The following RSPH6A variants were observed in gnomAD, a reference collection of about 807,000 sequenced individuals.
RSPH6A encodes the protein radial spoke head protein 6 homolog A.
A neutral mutation model predicts 66.1 loss-of-function variants in RSPH6A; 49 were observed. The ratio of observed to expected loss-of-function variants is 0.74; its 90% CI spans 0.59 to 0.94. RSPH6A has a LOEUF of 0.94. Ranked by LOEUF, RSPH6A falls within the 40% of genes least tolerant of loss-of-function variation. The probability of loss-of-function intolerance (pLI) is 0.00; values close to 1 mark genes in which losing one functional copy is unlikely to be tolerated. For synonymous variants in RSPH6A, 419 were observed against 402.4 expected, an observed-to-expected ratio of 1.04 and a Z score of -0.49; for missense variants, 977 against 948.3, an observed-to-expected ratio of 1.03 and a Z score of -0.40.
chr19:45,795,972 T>C lies in RSPH6A; in HGVS notation c.2051A>G (p.Glu684Gly). ...EIMEMSDPTV[E>G]EEQALKAAQE... The stretch of plus-strand genomic sequence containing the variant: ...GGCTGCTTTCAGAGCCTGCTCCTCT[T>C]CCACTGTGGGGTCACTCATCTCCAT... Residue 684 changes from glutamate to glycine, a missense_variant, in exon 6 of 6, where the codon GAA (glutamate) becomes GGA (glycine). Physicochemically the swap from Glu to Gly is moderately conservative, Grantham distance 98 (BLOSUM62 -2). Coordinates refer to ENST00000221538, the MANE Select transcript of RSPH6A (RefSeq NM_030785.4). The C allele has an allele frequency of 6.2e-7, 1 of 1,613,758 alleles. No individual in the cohort carries two copies. The highest frequency in any genetic ancestry group is 8.5e-7 in the Non-Finnish European group (1 of 1,179,922).
chr19:45,804,635 T>C lies in RSPH6A; in HGVS notation c.1270A>G (p.Asn424Asp), dbSNP rs1199255604. Residue 424 changes from asparagine (N) to aspartate (D), a missense_variant, in exon 3 of 6, where the codon AAC becomes GAC. Asn to Asp is a conservative substitution (Grantham distance 23). Coordinates refer to ENST00000221538, the MANE Select transcript of RSPH6A (RefSeq NM_030785.4). The surrounding 1 kb of genome is among the most constrained non-coding windows in gnomAD (Gnocchi z 5.8). Reference sequence around the variant, plus strand: ...TTGCACACAAAGTACAGGTACTTGTTGGCGCCTGAGCGGCTCTCCTCCTTG... The same window carrying C: ...TTGCACACAAAGTACAGGTACTTGTCGGCGCCTGAGCGGCTCTCCTCCTTG... ...IPKEESRSGA[N>D]KYLYFVCNEP... is the part of the protein sequence containing the mutation. 5 of 1,614,036 alleles carry C rather than the reference T, an allele frequency of 3.1e-6. No individual in the cohort carries two copies. In the Admixed American group the frequency reaches 8.3e-5, roughly 27 times the overall value.
chr19:45,808,801 AC>A (rs1213628792), intron 2 of RSPH6A, among the ~76,000 whole-genome samples: 1 of 149,370 alleles, frequency 6.7e-6, no homozygotes, highest in East Asian at 2.0e-4. Flanking sequence ...AGCTGGGACT[AC>A]AGGTGACCGC....
chr19:45,811,901 C>T (rs1970634927), intron 1 of RSPH6A, among the ~76,000 whole-genome samples: 1 of 150,850 alleles, frequency 6.6e-6, no homozygotes, highest in South Asian at 2.1e-4. Flanking sequence ...CTGCCTCGGC[C>T]TCCTGAGTAG....
At chr19:45,801,798 C>A (rs1450068713) in intron 4 of RSPH6A, among the ~76,000 whole-genome samples, 2 of 151,318 alleles carry the variant, frequency 1.3e-5, no homozygotes, top group Non-Finnish European at 2.9e-5. Flanking sequence ...CACCACCACA[C>A]ACACACACAC....
In RSPH6A at chr19:45,814,646, G is replaced by A; in HGVS notation, c.531C>T (p.Pro177=). The change falls in exon 1 of 6, where the codon CCC becomes CCT. Residue 177 remains proline (P), a synonymous_variant. Coordinates refer to ENST00000221538, the MANE Select transcript of RSPH6A (RefSeq NM_030785.4). ...TGTAGTGTGGGAAGCCCAGCTCAGA[G>A]GGCAAGAACTGAAGGGCAGGGTCAT... ...IRDDPALQFL[P]SELGFPHYSA... 6.2e-7 allele frequency: 1 copy of A among 1,608,740 alleles called. No individual in the cohort carries two copies. Among genetic ancestry groups the A allele is most frequent in the Non-Finnish European group, 8.5e-7 (1 of 1,177,278 alleles).
intron 2 of RSPH6A, among the ~76,000 whole-genome samples, chr19:45,806,513 A>T (rs1043293327): frequency 2.6e-5 from 4 of 151,634 alleles, no homozygotes; most frequent in African/African-American, 9.7e-5. Flanking sequence ...TCTACTAAAA[A>T]TACAAAAATT....
chr19:45,805,320 C>T (rs973178659), intron 2 of RSPH6A, among the ~76,000 whole-genome samples: 6 of 152,130 alleles, frequency 3.9e-5, no homozygotes, highest in South Asian at 2.1e-4. Context: ...TCACTTGAAC[C>T]GGGGAGGCGG....
chr19:45,806,784 A>G (rs941500539), intron 2 of RSPH6A, among the ~76,000 whole-genome samples: 1 of 151,384 alleles, frequency 6.6e-6, no homozygotes, highest in East Asian at 1.9e-4. Flanking sequence ...CCACACACCA[A>G]TGCTCTTCCT....
At position 45,804,786 on chromosome 19, in the gene RSPH6A, C is replaced by A. The variant is rs745458815; in HGVS notation, c.1119G>T (p.Glu373Asp). The A allele has an allele frequency of 1.9e-6, 3 of 1,612,114 alleles. 1 individual carries two copies. Among genetic ancestry groups the A allele is most frequent in the Middle Eastern group, 3.3e-4 (2 of 6,060 alleles). Reference sequence around the variant, plus strand: ...CGCCACCTTCCGTCATCTCCTCCACCTCCTCCTCCTCTGCCTCCTCCTCGC... The same window carrying A: ...CGCCACCTTCCGTCATCTCCTCCACATCCTCCTCCTCTGCCTCCTCCTCGC... ...REGEEEAEEE[E>D]VEEMTEGGEV... The change falls in exon 3 of 6, where the codon GAG becomes GAT. Residue 373 changes from glutamate (E) to aspartate (D), a missense_variant. Glu to Asp is a conservative substitution (Grantham distance 45). Coordinates refer to ENST00000221538, the MANE Select transcript of RSPH6A (RefSeq NM_030785.4). This position sits in a 1 kb window ranked among gnomAD's most constrained non-coding sequence, Gnocchi z 5.8.
At chr19:45,810,567 A>T (rs10407137) in intron 2 of RSPH6A, 36 bp downstream of exon 2, 1,202,996 of 1,594,318 alleles carry the variant, frequency 0.75, 454,778 homozygotes, top group African/African-American at 0.86. Flanking sequence ...GCCCCCACTG[A>T]CCCTGATGCC....
chr19:45,813,889 G>A (rs981269146), intron 1 of RSPH6A, among the ~76,000 whole-genome samples: 1 of 152,094 alleles, frequency 6.6e-6, no homozygotes, highest in East Asian at 1.9e-4. Context: ...GGCTGGGCAC[G>A]GTGGTTCATG....
In RSPH6A at chr19:45,812,909, T is replaced by C. The variant is rs1009968451; in HGVS notation, c.650+1618A>G. ...CAGGGTTTTGCCATGTTGGCCAGGC[T>C]GGTCTTGAACTCCTGACTTCGAGTT... On this transcript the variant is annotated intron_variant, in intron 1 of 5. Transcript: ENST00000221538. Among the ~76,000 whole-genome samples the C allele has an allele frequency of 2.2e-4, 34 of 152,124 alleles. 1 individual carries two copies. Among genetic ancestry groups the C allele is most frequent in the Admixed American group, 1.7e-3 (26 of 15,260 alleles).
chr19:45,802,429 C>A (rs1275415403), intron 3 of RSPH6A, among the ~76,000 whole-genome samples, 165 bp from the exon 4 acceptor site: 3 of 152,000 alleles, frequency 2.0e-5, no homozygotes, highest in Non-Finnish European at 4.4e-5. Context: ...GGGAAACGGG[C>A]TGACAGAACT....
rs1227227153 is a variant in RSPH6A at position 45,814,555 on chromosome 19, G to A, written c.622C>T (p.Gln208Ter). Reference protein sequence around the residue: ...AVQNAKAYLLQTSINCDLSLY... With the variant: ...AVQNAKAYLL ...CTGAGGTCGCAATTGATGCTGGTCTGCAGCAGGTAGGCCTTGGCGTTCTGC... is the reference window on the plus strand; with the variant it reads ...CTGAGGTCGCAATTGATGCTGGTCTACAGCAGGTAGGCCTTGGCGTTCTGC... Residue 208 changes from glutamine (Q) to a stop codon, truncating the protein, a stop_gained, in exon 1 of 6, where the codon CAG becomes TAG. Transcript: ENST00000221538. LOFTEE classifies it high-confidence loss of function. 6.6e-7 allele frequency: 1 copy of A among 1,523,252 alleles called. No individual in the cohort carries two copies. The highest frequency in any genetic ancestry group is 8.8e-7 in the Non-Finnish European group (1 of 1,135,344). 94.4% of individuals were successfully genotyped at this position (1,523,252 alleles called of 1,614,324 possible). A position where few individuals can be genotyped will look rare whatever the true frequency, so the allele number is the denominator to read the frequency against.
rs372117864 is a variant in RSPH6A at position 45,804,292 on chromosome 19, A to G, written c.1613T>C (p.Met538Thr). Reference protein sequence around the residue: ...GIPVLELVDSMANWVHHTQHI... With the variant: ...GIPVLELVDSTANWVHHTQHI... Reference sequence around the variant, plus strand: ...CTGTGTGTGATGCACCCAGTTGGCCATGGAGTCGACCAGCTCCAGCACGGG... The same window carrying G: ...CTGTGTGTGATGCACCCAGTTGGCCGTGGAGTCGACCAGCTCCAGCACGGG... The change falls in exon 3 of 6, where the codon ATG becomes ACG. Residue 538 changes from methionine to threonine, a missense_variant. Transcript: ENST00000221538. The surrounding 1 kb of genome is among the most constrained non-coding windows in gnomAD (Gnocchi z 5.8). 18 of 1,613,804 alleles carry G rather than the reference A, an allele frequency of 1.1e-5. No homozygotes were observed. In the African/African-American group the frequency reaches 2.1e-4, roughly 19 times the overall value.
At position 45,804,001 on chromosome 19, in the gene RSPH6A, AAAAAAG is replaced by A. The variant is rs973846963; in HGVS notation, c.1653+245_1653+250del. ...AGAGCGAGACTCTGTCTCAAAAAAA[AAAAAAG>A]AAAAGAAAAGAAAAGAAAAAGAAAA... On this transcript the variant is annotated intron_variant, in intron 3 of 5. Transcript: ENST00000221538. The surrounding 1 kb of genome is among the most constrained non-coding windows in gnomAD (Gnocchi z 5.8). Among the ~76,000 whole-genome samples the A allele has an allele frequency of 1.1e-4, 16 of 151,968 alleles. No individual in the cohort carries two copies. The highest frequency in any genetic ancestry group is 5.8e-4 in the East Asian group (3 of 5,178).
intron 1 of RSPH6A, among the ~76,000 whole-genome samples, chr19:45,812,083 C>A (rs1970637507): frequency 7.8e-6 from 1 of 128,190 alleles, no homozygotes; most frequent in Non-Finnish European, 1.6e-5. Context: ...GCCTGGCCAA[C>A]ATTTGTATTT....
At chr19:45,807,038 C>T (rs1315767066) in intron 2 of RSPH6A, among the ~76,000 whole-genome samples, 8 of 151,286 alleles carry the variant, frequency 5.3e-5, no homozygotes, top group South Asian at 4.2e-4. Context: ...GGATTATAGG[C>T]GTGCACCACC....
rs775990313 is a variant in RSPH6A, at chr19:45,804,098, C to A, written c.1653+154G>T. On this transcript the variant is annotated intron_variant, in intron 3 of 5. Transcript: ENST00000221538. The surrounding 1 kb of genome is among the most constrained non-coding windows in gnomAD (Gnocchi z 5.8). ...CCCAAAGGTTTCTGATGGGATTATC[C>A]GCTAATATCTGTTGAACCAATGAAT... Among the ~76,000 whole-genome samples the A allele has an allele frequency of 1.3e-5, 2 of 151,916 alleles. No homozygotes were observed. The highest frequency in any genetic ancestry group is 2.9e-5 in the Non-Finnish European group (2 of 67,954).
Sources: gnomAD v4.1 joint callset for allele counts (sites outside exome capture counted in the v4.1 genomes callset) on GRCh38, gnomAD v4.1.1 for gene constraint, Gnocchi (gnomAD v3.1) non-coding constraint, MANE v1.5 for transcripts, NCBI Gene and HGNC (gene_info 2026-07-23, HGNC 2026-07-21) for gene names.